PHC1: variants seen among roughly 807,000 people sequenced by gnomAD.
PHC1 encodes the protein polyhomeotic homolog 1.
Under a neutral mutation model 104.3 loss-of-function variants are expected in PHC1, and 12 were observed. The ratio of observed to expected loss-of-function variants is 0.12; its 90% CI spans 0.07 to 0.19. The LOEUF (loss-of-function observed/expected upper bound fraction) is 0.19, where lower values mean the gene tolerates loss of function less well. Ranked by LOEUF, PHC1 falls within the 10% of genes least tolerant of loss-of-function variation. The probability of loss-of-function intolerance (pLI) is 1.00; values close to 1 mark genes in which losing one functional copy is unlikely to be tolerated. For missense variants in PHC1, 671 were observed against 1,200.0 expected (o/e 0.56, Z 6.51); for synonymous variants, 302 against 455.8 (o/e 0.66, Z 4.30).
intron 6 of PHC1, among the ~76,000 whole-genome samples, chr12:8,926,516 G>T (rs1945516008): frequency 6.6e-6 from 1 of 152,152 alleles, no homozygotes; most frequent in Non-Finnish European, 1.5e-5. Flanking sequence ...GTTAACTTGG[G>T]AGGCTGAGGA....
At chr12:8,927,854 T>C (rs1478990228) in intron 6 of PHC1, among the ~76,000 whole-genome samples, 1 of 25,646 alleles carries the variant, frequency 3.9e-5, no homozygotes, top group Non-Finnish European at 7.8e-5. Context: ...CTGTACTAGT[T>C]TTCTTTCTTT....
intron 12 of PHC1, 52 bp downstream of exon 12, chr12:8,937,016 G>A (rs763361576): frequency 1.6e-5 from 23 of 1,410,470 alleles, no homozygotes; most frequent in Non-Finnish European, 2.2e-5. Context: ...TCCATCTAAT[G>A]TTACACCCCT....
intron 6 of PHC1, among the ~76,000 whole-genome samples, chr12:8,928,406 T>C (rs1223621677): frequency 7.0e-6 from 1 of 143,774 alleles, no homozygotes; most frequent in African/African-American, 2.4e-5. Context: ...ACTCTCTCAC[T>C]GTTGGTCTCG....
At chr12:8,920,006 GGAT>G in intron 3 of PHC1, 140 bp downstream of exon 3, 1 of 1,313,660 alleles carries the variant, frequency 7.6e-7, no homozygotes, top group Non-Finnish European at 1.0e-6. Flanking sequence ...TTCTGTGGGA[GGAT>G]GGATGCATCT....
At chr12:8,920,698 A>G (rs1180812906) in intron 3 of PHC1, among the ~76,000 whole-genome samples, 1 of 152,008 alleles carries the variant, frequency 6.6e-6, no homozygotes, top group Non-Finnish European at 1.5e-5. Flanking sequence ...AAAGAGCGAG[A>G]CTCCTTCTCA....
intron 6 of PHC1, among the ~76,000 whole-genome samples, chr12:8,928,052 C>T (rs191839456): frequency 1.6e-3 from 240 of 151,598 alleles, no homozygotes; most frequent in African/African-American, 5.1e-3. Flanking sequence ...ATTACAGGCG[C>T]GTGCCACTAT....
intron 14 of PHC1, among the ~76,000 whole-genome samples, chr12:8,938,445 CTTTT>C (rs11399108): frequency 1.8e-4 from 26 of 142,272 alleles, no homozygotes; most frequent in Admixed American, 1.5e-3. Flanking sequence ...TGCTAGTCTT[CTTTT>C]TTTTTTTTTT....
chr12:8,930,414 C>G (rs1227778915), intron 6 of PHC1, 21 bp from the exon 7 acceptor site: 2 of 1,602,260 alleles, frequency 1.2e-6, no homozygotes, highest in South Asian at 1.1e-5. Flanking sequence ...TTTTCTCAAT[C>G]TGTTTTTTCG....
chr12:8,920,935 T>C (rs1945344117), intron 3 of PHC1, 50 bp from the exon 4 acceptor site: 2 of 1,280,926 alleles, frequency 1.6e-6, no homozygotes, highest in Admixed American at 4.0e-5. Flanking sequence ...GACTGAGAGC[T>C]TTTTCCTTCA....
chr12:8,919,705 A>G lies in PHC1; in HGVS notation c.115-51A>G, dbSNP rs749842904. On this transcript the variant is annotated intron_variant, in intron 2 of 14. Coordinates refer to ENST00000544916, the MANE Select transcript of PHC1 (RefSeq NM_004426.3). This position sits in a 1 kb window ranked among gnomAD's most constrained non-coding sequence, Gnocchi z 4.9. ...ACACAAATACAGTGATTTACATAGA[A>G]TAGGAGCTAGGAGTGGTCCATTCTA... 8 of 1,541,972 alleles carry G rather than the reference A, an allele frequency of 5.2e-6. No homozygotes were observed. Among genetic ancestry groups the G allele is most frequent in the South Asian group, 2.3e-5 (2 of 85,802 alleles).
intron 5 of PHC1, among the ~76,000 whole-genome samples, chr12:8,922,387 A>G (rs987603985): frequency 6.6e-6 from 1 of 151,912 alleles, no homozygotes; most frequent in African/African-American, 2.4e-5. Context: ...TAAAATCCTA[A>G]TTTTCTCTAT....
At chr12:8,927,913 C>CTT (rs752930257) in intron 6 of PHC1, among the ~76,000 whole-genome samples, 24 of 35,774 alleles carry the variant, frequency 6.7e-4, no homozygotes, top group African/African-American at 1.8e-3. Flanking sequence ...TTCTTTCTTT[C>CTT]TTTTTTTTTT....
chr12:8,936,056 G>T (rs973392595), intron 11 of PHC1, among the ~76,000 whole-genome samples: 3 of 152,080 alleles, frequency 2.0e-5, no homozygotes, highest in Middle Eastern at 3.2e-3. Flanking sequence ...GAGCCACCAC[G>T]CCTGGCCCTT....
rs1414973671 is a variant in PHC1, at chr12:8,926,879, T to G, written c.613-3556T>G. 2.6e-5 allele frequency among the ~76,000 whole-genome samples: 4 copies of G among 151,998 alleles called. No individual in the cohort carries two copies. The East Asian group carries it at 7.7e-4, about 29-fold the overall frequency. On this transcript the variant is annotated intron_variant, in intron 6 of 14. Coordinates refer to ENST00000544916, the MANE Select transcript of PHC1 (RefSeq NM_004426.3). ...GCAGTGAGCCGAGATCGCGCCGTTG[T>G]ACTCCAGCCTGGGCAACGAGGGCGA... is the stretch of plus-strand genomic sequence containing the variant.
At chr12:8,936,373 C>A (rs1358835022) in intron 11 of PHC1, among the ~76,000 whole-genome samples, 3 of 152,084 alleles carry the variant, frequency 2.0e-5, no homozygotes, top group Non-Finnish European at 4.4e-5. Context: ...CAGAGTGAGA[C>A]TGTCTCAAAA....
In PHC1 at chr12:8,941,448, G is replaced by A; in HGVS notation, c.*1989G>A. 1 of 184,370 alleles carries A rather than the reference G, an allele frequency of 5.4e-6. No individual in the cohort carries two copies. Among genetic ancestry groups the A allele is most frequent in the Non-Finnish European group, 1.1e-5 (1 of 87,942 alleles). 11.4% of individuals were successfully genotyped at this position (184,370 alleles called of 1,614,324 possible). A position where few individuals can be genotyped will look rare whatever the true frequency, so the allele number is the denominator to read the frequency against. ...TCTTGGCATTTTTTTTTTAATTAAAGAAATCCAGTGTCTCAAAAACTTGTG... is the reference window on the plus strand; with the variant it reads ...TCTTGGCATTTTTTTTTTAATTAAAAAAATCCAGTGTCTCAAAAACTTGTG... On this transcript the variant is annotated 3_prime_UTR_variant, in exon 15 of 15. Coordinates refer to ENST00000544916, the MANE Select transcript of PHC1 (RefSeq NM_004426.3).
rs569850274 is a variant in PHC1, at chr12:8,933,849, A to C, written c.1894-16A>C. 1.9e-6 allele frequency: 3 copies of C among 1,605,960 alleles called. No homozygotes were observed. Among genetic ancestry groups the C allele is most frequent in the Non-Finnish European group, 1.7e-6 (2 of 1,173,618 alleles). On this transcript the variant is annotated splice_polypyrimidine_tract_variant and intron_variant, in intron 8 of 14. Transcript: ENST00000544916. ...ATTTGTACATCTTTGTTTCTTTCCT[A>C]TTCTTTACGGTATAGGGTAAACCCC...
chr12:8,936,810 G>C, intron 11 of PHC1, 46 bp from the exon 12 acceptor site: 1 of 1,178,816 alleles, frequency 8.5e-7, no homozygotes, highest in Non-Finnish European at 1.3e-6. Context: ...TGCCTGAGGG[G>C]CAGCAGAAAC....
rs753037713 is a variant in PHC1 at position 8,921,550 on chromosome 12, C to A, written c.307-51C>A. 5 of 1,572,044 alleles carry A rather than the reference C, an allele frequency of 3.2e-6. No individual in the cohort carries two copies. In the Admixed American group the frequency reaches 8.4e-5, roughly 26 times the overall value. ...CTGAATTTGTCAGTCACGTACCTTT[C>A]CTTTTACTTCTCCCAAATCCTTAGT... On this transcript the variant is annotated intron_variant, in intron 4 of 14. Coordinates refer to ENST00000544916, the MANE Select transcript of PHC1 (RefSeq NM_004426.3).
Sources: gnomAD v4.1 joint callset for allele counts (sites outside exome capture counted in the v4.1 genomes callset) on GRCh38, gnomAD v4.1.1 for gene constraint, Gnocchi (gnomAD v3.1) non-coding constraint, MANE v1.5 for transcripts, NCBI Gene and HGNC (gene_info 2026-07-23, HGNC 2026-07-21) for gene names.